Variants in PDE1C observed in about 807,000 individuals in gnomAD.
PDE1C encodes the protein phosphodiesterase 1C.
A neutral mutation model predicts 93.1 loss-of-function variants in PDE1C; 62 were observed. The observed-to-expected ratio is 0.67, with a 90% CI of 0.54 to 0.82. The LOEUF (loss-of-function observed/expected upper bound fraction) is 0.82. Ranked by LOEUF, PDE1C falls within the 40% of genes least tolerant of loss-of-function variation. The pLI is 0.00. For missense variants in PDE1C, 742 were observed against 884.6 expected (o/e 0.84, Z 2.04); for synonymous variants, 325 against 310.1 (o/e 1.05, Z -0.50).
intron 1 of PDE1C, among the ~76,000 whole-genome samples, chr7:32,367,385 AATG>A (rs1210135986): frequency 1.3e-5 from 2 of 152,196 alleles, no homozygotes; most frequent in African/African-American, 4.8e-5. Context: ...GAGCAAATAA[AATG>A]ATGAGAGTAA....
At chr7:32,002,922 T>C (rs1455520920) in intron 2 of PDE1C, among the ~76,000 whole-genome samples, 1 of 152,152 alleles carries the variant, frequency 6.6e-6, no homozygotes, top group African/African-American at 2.4e-5. Flanking sequence ...ATTCTGAAAA[T>C]TGAAATTCAG....
chr7:32,380,561 A>G (rs1486855959), intron 1 of PDE1C, among the ~76,000 whole-genome samples: 3 of 151,576 alleles, frequency 2.0e-5, no homozygotes, highest in Non-Finnish European at 4.4e-5. Flanking sequence ...CCTCTCTTGA[A>G]CCTGCCCAAT....
At chr7:31,617,780 AATAAAG>A in the PDE1C span, among the ~76,000 whole-genome samples, 2 of 152,152 alleles carry the variant, frequency 1.3e-5, no homozygotes, top group Admixed American at 1.3e-4. Flanking sequence ...AATTGAAGAT[AATAAAG>A]ATAAAATGAA....
intron 1 of PDE1C, among the ~76,000 whole-genome samples, chr7:32,245,041 A>G (rs1217195381): frequency 6.6e-6 from 1 of 152,182 alleles, no homozygotes; most frequent in African/African-American, 2.4e-5. Flanking sequence ...TGACTGGGCC[A>G]GGCCTTCATA....
chr7:31,920,477 A>G (rs1002170419), intron 2 of PDE1C, among the ~76,000 whole-genome samples: 2 of 152,150 alleles, frequency 1.3e-5, no homozygotes, highest in African/African-American at 2.4e-5. Flanking sequence ...TGGCCTGGGG[A>G]GAACTCTCCT....
intron 1 of PDE1C, among the ~76,000 whole-genome samples, chr7:32,394,030 A>G (rs1009748286): frequency 1.3e-5 from 2 of 152,208 alleles, no homozygotes; most frequent in Admixed American, 6.5e-5. Flanking sequence ...CTAGTGACTC[A>G]GAAGTGATAT....
rs116845305 is a variant in PDE1C at position 31,893,802 on chromosome 7, C to A, written c.129-12942G>T. Among the ~76,000 whole-genome samples, 1,502 of 152,258 alleles carry A rather than the reference C, an allele frequency of 9.9e-3. 14 individuals are homozygous for A. The highest frequency in any genetic ancestry group is 0.017 in the Non-Finnish European group (1,184 of 68,010). On this transcript the variant is annotated intron_variant, in intron 2 of 17. Coordinates refer to ENST00000396191, the MANE Select transcript of PDE1C (RefSeq NM_001191057.4). Reference sequence around the variant, plus strand: ...GCACTCCACTTGCCCCAAACAACCCCTCATTGTTCACGGTGGTAATCTGTT... The same window carrying A: ...GCACTCCACTTGCCCCAAACAACCCATCATTGTTCACGGTGGTAATCTGTT...
At chr7:32,106,299 C>A (rs11768234) in intron 3 of PDE1C, among the ~76,000 whole-genome samples, 1 of 152,000 alleles carries the variant, frequency 6.6e-6, no homozygotes, top group Non-Finnish European at 1.5e-5. Flanking sequence ...CTGCCTCAGC[C>A]TCCTAAAGTA....
chr7:31,736,238 G>T, the PDE1C span, among the ~76,000 whole-genome samples: 1 of 152,212 alleles, frequency 6.6e-6, no homozygotes, highest in Non-Finnish European at 1.5e-5. Flanking sequence ...ATGTGGGCAG[G>T]CTTGCCTTAG....
In PDE1C at chr7:31,856,673, T is replaced by C. The variant is rs545159290; in HGVS notation, c.751-5932A>G. Among the ~76,000 whole-genome samples the C allele has an allele frequency of 4.5e-5, 6 of 134,242 alleles. No individual in the cohort carries two copies. In the Admixed American group the frequency reaches 5.2e-4, roughly 12 times the overall value. 88.1% of individuals were successfully genotyped at this position (134,242 alleles called of 152,430 possible). A position where few individuals can be genotyped will look rare whatever the true frequency, so the allele number is the denominator to read the frequency against. ...ACATGAGGATACTGAGGTGTAAGAA[T>C]ATAAGAGGCTTTTTTTTTTTTTTTT... On this transcript the variant is annotated intron_variant, in intron 7 of 17. Transcript: ENST00000396191.
chr7:32,259,082 G>A (rs183928572), intron 1 of PDE1C, among the ~76,000 whole-genome samples: 7 of 152,300 alleles, frequency 4.6e-5, no homozygotes, highest in Non-Finnish European at 5.9e-5. Context: ...TTATTAACTG[G>A]AAAGACATTT....
At chr7:31,750,161 G>A (rs1415075148), downstream of PDE1C, among the ~76,000 whole-genome samples, 1 of 152,168 alleles carries the variant, frequency 6.6e-6, no homozygotes, top group Admixed American at 6.5e-5. Context: ...TTAATTGTGT[G>A]TGGAGAAGGA....
At chr7:32,042,296 T>C (rs577437471) in intron 2 of PDE1C, among the ~76,000 whole-genome samples, 1 of 152,084 alleles carries the variant, frequency 6.6e-6, no homozygotes, top group African/African-American at 2.4e-5. Flanking sequence ...AAAGACTCCA[T>C]TAAAAACAAA....
the PDE1C span, among the ~76,000 whole-genome samples, chr7:31,620,871 C>T: frequency 5.2e-3 from 793 of 151,976 alleles, 6 homozygotes; most frequent in African/African-American, 0.018. Flanking sequence ...AAAATTTAGA[C>T]GAATGTATAA....
chr7:32,045,760 G>A (rs534608512), intron 2 of PDE1C, among the ~76,000 whole-genome samples: 35 of 152,220 alleles, frequency 2.3e-4, no homozygotes, highest in Admixed American at 1.4e-3. Flanking sequence ...GGAAGGAAAC[G>A]GGCAGAGTTC....
At chr7:32,375,255 T>C (rs568362803) in intron 1 of PDE1C, among the ~76,000 whole-genome samples, 1 of 152,192 alleles carries the variant, frequency 6.6e-6, no homozygotes, top group African/African-American at 2.4e-5. Context: ...GGCCTCAAGC[T>C]CCTCCATATA....
chr7:32,252,327 C>T (rs1809455644), intron 1 of PDE1C, among the ~76,000 whole-genome samples: 1 of 152,198 alleles, frequency 6.6e-6, no homozygotes, highest in African/African-American at 2.4e-5. Flanking sequence ...AATATCTTCC[C>T]TCATGGAACA....
the PDE1C span, among the ~76,000 whole-genome samples, chr7:31,681,925 C>T: frequency 6.6e-6 from 1 of 152,176 alleles, no homozygotes; most frequent in Non-Finnish European, 1.5e-5. Flanking sequence ...CCTCTTGTGT[C>T]TTTTTGAAAG....
At chr7:32,322,777 G>A (rs1204383688) in intron 1 of PDE1C, among the ~76,000 whole-genome samples, 1 of 151,988 alleles carries the variant, frequency 6.6e-6, no homozygotes, top group African/African-American at 2.4e-5. Flanking sequence ...CACCACACCT[G>A]GCTAATTTTG....
Sources: gnomAD v4.1 joint callset for allele counts (sites outside exome capture counted in the v4.1 genomes callset) on GRCh38, gnomAD v4.1.1 for gene constraint, MANE v1.5 for transcripts, NCBI Gene and HGNC (gene_info 2026-07-23, HGNC 2026-07-21) for gene names.